Variants in INO80 observed in about 807,000 individuals in gnomAD.
INO80 encodes chromatin-remodeling ATPase INO80.
Under a neutral mutation model 203.4 loss-of-function variants are expected in INO80, and 20 were observed. That is an observed-to-expected ratio of 0.10 (90% CI 0.07 to 0.14). The LOEUF (loss-of-function observed/expected upper bound fraction) is 0.14, where lower values mean the gene tolerates loss of function less well. INO80 is among the 10% of genes least tolerant of loss of function. The pLI, the probability that INO80 is intolerant of heterozygous loss-of-function variation, is 1.00. For missense variants in INO80, 1,419 were observed against 1,914.4 expected, an observed-to-expected ratio of 0.74 and a Z score of 4.83; for synonymous variants, 726 against 685.2, an observed-to-expected ratio of 1.06 and a Z score of -0.93.
intron 14 of INO80, 138 bp from the exon 15 acceptor site, chr15:41,060,064 A>C: frequency 1.6e-6 from 1 of 615,236 alleles, no homozygotes; most frequent in Non-Finnish European, 2.7e-6. Context: ...TGGTGGAATA[A>C]ATGGTTTAAC....
chr15:41,104,203 T>C (rs1215029105), intron 1 of INO80, among the ~76,000 whole-genome samples: 2 of 65,104 alleles, frequency 3.1e-5, no homozygotes, highest in African/African-American at 1.4e-4. Flanking sequence ...CAAAACTCCA[T>C]CTCAAAAAAA....
At chr15:41,089,633 C>T (rs941433537) in intron 5 of INO80, among the ~76,000 whole-genome samples, 3 of 152,098 alleles carry the variant, frequency 2.0e-5, no homozygotes, top group African/African-American at 4.8e-5. Flanking sequence ...ATCCCAGCTA[C>T]TCGGGAGACT....
At position 40,980,231 on chromosome 15, in the gene INO80, C is replaced by T. The variant is rs751299452; in HGVS notation, c.4663G>A (p.Gly1555Arg). 6.2e-7 allele frequency: 1 copy of T among 1,612,614 alleles called. No individual in the cohort carries two copies. Among genetic ancestry groups the T allele is most frequent in the Non-Finnish European group, 8.5e-7 (1 of 1,179,934 alleles). Reference protein sequence around the residue: ...KQGKGTNPSGGR With the variant: ...KQGKGTNPSGRR ...TCGGAGGGCCCAGATGGTTACCGTC[C>T]TCCAGAGGGGTTGGTGCCTTTGCCC... The change falls in exon 36 of 36, where the codon GGA becomes AGA. Residue 1555 changes from glycine to arginine, a missense_variant. This residue lies in a region of INO80 where 112 missense variants were observed against 106.2 expected (regional missense o/e 1.05). Coordinates refer to ENST00000648947, the MANE Select transcript of INO80 (RefSeq NM_017553.3).
At chr15:41,045,489 T>C (rs1002566951) in intron 23 of INO80, among the ~76,000 whole-genome samples, 4 of 145,810 alleles carry the variant, frequency 2.7e-5, no homozygotes, top group Non-Finnish European at 6.0e-5. Flanking sequence ...GGCTGACGCA[T>C]GAGAATCGCT....
intron 21 of INO80, 98 bp from the exon 22 acceptor site, chr15:41,048,374 T>C (rs925410807): frequency 5.8e-6 from 5 of 868,576 alleles, no homozygotes; most frequent in South Asian, 3.2e-5. Context: ...CTTTTAGTTT[T>C]GAAACTGTTT....
intron 6 of INO80, among the ~76,000 whole-genome samples, chr15:41,086,608 G>A (rs865842018): frequency 3.3e-5 from 5 of 150,066 alleles, no homozygotes; most frequent in Non-Finnish European, 4.4e-5. Flanking sequence ...CTGAGATCAC[G>A]CCACTGCACT....
At position 40,987,121 on chromosome 15, in the gene INO80, G is replaced by T; in HGVS notation, c.3802C>A (p.Leu1268Ile). The T allele has an allele frequency of 1.2e-6, 2 of 1,612,572 alleles. No homozygotes were observed. The highest frequency in any genetic ancestry group is 1.3e-5 in the African/African-American group (1 of 74,994). Reference sequence around the variant, plus strand: ...TTCTCCAACTCTTCGTCGTCTAGAAGAAGACTAACCACCTCTTTGGGTTTC... The same window carrying T: ...TTCTCCAACTCTTCGTCGTCTAGAATAAGACTAACCACCTCTTTGGGTTTC... ...TLKPKEVVSL[L>I]LDDEELEKKL... The change falls in exon 31 of 36, where the codon CTT (leucine) becomes ATT (isoleucine). Residue 1268 changes from leucine (L) to isoleucine (I), a missense_variant. Leu to Ile is a conservative substitution (Grantham distance 5). Around this residue, in one of 9 missense-constraint regions of INO80, gnomAD observed 214 missense variants for 248.9 expected, o/e 0.86. Coordinates refer to ENST00000648947, the MANE Select transcript of INO80 (RefSeq NM_017553.3).
At chr15:41,097,866 T>C (rs2045748195) in intron 1 of INO80, among the ~76,000 whole-genome samples, 1 of 151,882 alleles carries the variant, frequency 6.6e-6, no homozygotes, top group South Asian at 2.1e-4. Flanking sequence ...GGCAGGAGAA[T>C]CACTTGAACC....
At chr15:41,073,149 GA>G (rs1249015766) in intron 11 of INO80, among the ~76,000 whole-genome samples, 19 of 149,950 alleles carry the variant, frequency 1.3e-4, no homozygotes, top group Admixed American at 1.2e-3. Context: ...TCAAGAGAAA[GA>G]AAAAAAAATA....
intron 29 of INO80, among the ~76,000 whole-genome samples, chr15:40,995,076 G>A (rs915490225): frequency 6.6e-6 from 1 of 152,140 alleles, no homozygotes; most frequent in Non-Finnish European, 1.5e-5. Flanking sequence ...GGCTGGTCTT[G>A]AACTCCTGAC....
chr15:40,981,962 A>G (rs1440204487), intron 35 of INO80, among the ~76,000 whole-genome samples: 1 of 152,134 alleles, frequency 6.6e-6, no homozygotes, highest in Non-Finnish European at 1.5e-5. Flanking sequence ...TCCCTTTTGA[A>G]TACAGACAGG....
chr15:41,113,817 G>A (rs1036801189), intron 1 of INO80, among the ~76,000 whole-genome samples: 1 of 152,104 alleles, frequency 6.6e-6, no homozygotes, highest in Non-Finnish European at 1.5e-5. Context: ...TACTCAAAAT[G>A]TTTTTATTAG....
intron 28 of INO80, among the ~76,000 whole-genome samples, chr15:41,004,043 TAA>T (rs1294861166): frequency 6.6e-6 from 1 of 152,224 alleles, no homozygotes; most frequent in Non-Finnish European, 1.5e-5. Context: ...GATCACCCAG[TAA>T]TTTTTTTTCC....
chr15:41,093,424 CAAAAAAA>C (rs1333588338), intron 4 of INO80, among the ~76,000 whole-genome samples: 1 of 148,690 alleles, frequency 6.7e-6, no homozygotes, highest in African/African-American at 2.5e-5. Flanking sequence ...GACTCCGTCT[CAAAAAAA>C]AGAAAAAAGA....
At chr15:41,074,344 C>A (rs2045368997) in intron 10 of INO80, 26 bp downstream of exon 10, 1 of 1,526,714 alleles carries the variant, frequency 6.6e-7, no homozygotes, top group South Asian at 1.2e-5. Context: ...AGGTAGCCTT[C>A]CTCTAAGTCC....
chr15:41,070,011 TCA>T (rs1484466366), intron 13 of INO80, among the ~76,000 whole-genome samples: 1 of 152,352 alleles, frequency 6.6e-6, no homozygotes, highest in South Asian at 2.1e-4. Context: ...TGCTTTTTTT[TCA>T]GTTTTACGCA....
chr15:41,047,551 G>T, intron 22 of INO80, 50 bp from the exon 23 acceptor site: 2 of 1,304,740 alleles, frequency 1.5e-6, no homozygotes, highest in Non-Finnish European at 2.2e-6. Context: ...AAGAGACGAT[G>T]CTCAGTTAAA....
chr15:41,090,882 A>AT (rs780433280), intron 5 of INO80, among the ~76,000 whole-genome samples: 9 of 150,102 alleles, frequency 6.0e-5, no homozygotes, highest in Non-Finnish European at 1.2e-4. Context: ...CATCCGAAGT[A>AT]TTAGTAGTTT....
At chr15:41,006,803 T>C (rs189274356) in intron 27 of INO80, among the ~76,000 whole-genome samples, 2 of 152,346 alleles carry the variant, frequency 1.3e-5, no homozygotes, top group African/African-American at 2.4e-5. Context: ...TGGTTTAATT[T>C]TGATTTTTTA....
Sources: allele counts gnomAD v4.1 joint callset (sites outside exome capture counted in the v4.1 genomes callset), GRCh38; gene constraint gnomAD v4.1.1; regional missense constraint gnomAD v4.1.1; transcripts MANE v1.5; gene names NCBI Gene and HGNC (gene_info 2026-07-23, HGNC 2026-07-21).